The following GRIK4 variants were observed in gnomAD, a reference collection of about 807,000 sequenced individuals.
GRIK4 encodes glutamate ionotropic receptor kainate type subunit 4, also known as glutamate receptor ionotropic, kainate 4.
Under a neutral mutation model 104.9 loss-of-function variants are expected in GRIK4, and 40 were observed. The ratio of observed to expected loss-of-function variants is 0.38; its 90% CI spans 0.30 to 0.50. The LOEUF is 0.50. Among genes scored for constraint, GRIK4 ranks in the 20% least tolerant of loss-of-function variants. GRIK4 has a pLI of 0.93. For missense variants in GRIK4, 1,047 were observed against 1,308.1 expected (o/e 0.80, Z 3.08); for synonymous variants, 485 against 524.9 (o/e 0.92, Z 1.04).
intron 3 of GRIK4, among the ~76,000 whole-genome samples, chr11:120,734,024 C>T (rs1330985127): frequency 7.9e-5 from 12 of 152,194 alleles, no homozygotes; most frequent in Non-Finnish European, 1.5e-5. Context: ...GCGTGAGCCA[C>T]TGCGCCTGGC....
At chr11:120,701,296 A>G (rs1159711209) in intron 3 of GRIK4, among the ~76,000 whole-genome samples, 1 of 151,974 alleles carries the variant, frequency 6.6e-6, no homozygotes, top group Non-Finnish European at 1.5e-5. Flanking sequence ...TACCATGCCC[A>G]CTCATAATAA....
At chr11:120,949,030 C>T (rs1943934980) in intron 14 of GRIK4, among the ~76,000 whole-genome samples, 1 of 152,218 alleles carries the variant, frequency 6.6e-6, no homozygotes, top group African/African-American at 2.4e-5. Context: ...CCTGTCCTGA[C>T]TGCCTGGCTC....
intron 6 of GRIK4, among the ~76,000 whole-genome samples, chr11:120,825,343 T>A (rs750031305): frequency 6.6e-6 from 1 of 152,248 alleles, no homozygotes; most frequent in African/African-American, 2.4e-5. Flanking sequence ...CTACCTCTGT[T>A]GTCTCATGTA....
At chr11:120,887,108 T>C (rs1209074731) in intron 11 of GRIK4, among the ~76,000 whole-genome samples, 3 of 152,244 alleles carry the variant, frequency 2.0e-5, no homozygotes, top group African/African-American at 7.2e-5. Flanking sequence ...AAAGCCTCTT[T>C]CCTTTTTCCT....
intron 1 of GRIK4, among the ~76,000 whole-genome samples, chr11:120,628,729 T>C (rs1185485965): frequency 6.6e-6 from 1 of 152,174 alleles, no homozygotes; most frequent in Admixed American, 6.5e-5. Context: ...CCAGAGGCCA[T>C]GGCTGTGGTT....
At chr11:120,639,142 T>C (rs1435002747) in intron 1 of GRIK4, among the ~76,000 whole-genome samples, 1 of 151,970 alleles carries the variant, frequency 6.6e-6, no homozygotes, top group Non-Finnish European at 1.5e-5. Flanking sequence ...TGCAGTGAGC[T>C]GAGATCACGC....
chr11:120,834,263 G>GGTGTGT (rs141196181), intron 7 of GRIK4, among the ~76,000 whole-genome samples: 28,727 of 145,888 alleles, frequency 0.2, 3,028 homozygotes, highest in Middle Eastern at 0.26. Flanking sequence ...ACACTTTATA[G>GGTGTGT]GTGTGTGTGT....
At chr11:120,599,241 T>A (rs1948848039) in intron 1 of GRIK4, among the ~76,000 whole-genome samples, 1 of 152,234 alleles carries the variant, frequency 6.6e-6, no homozygotes, top group Admixed American at 6.5e-5. Flanking sequence ...TTTGAATTGA[T>A]CCTTGTTCTC....
At chr11:120,893,317 T>C (rs1326550756) in intron 11 of GRIK4, among the ~76,000 whole-genome samples, 2 of 152,212 alleles carry the variant, frequency 1.3e-5, no homozygotes, top group Non-Finnish European at 2.9e-5. Flanking sequence ...TGCAAACACA[T>C]CCCATATCGG....
chr11:120,978,129 A>G (rs1187179750), intron 19 of GRIK4, among the ~76,000 whole-genome samples: 1 of 152,146 alleles, frequency 6.6e-6, no homozygotes, highest in East Asian at 1.9e-4. Flanking sequence ...TTCCACAAAC[A>G]TTTACTGAGC....
chr11:120,679,857 A>G (rs1221354645), intron 3 of GRIK4, among the ~76,000 whole-genome samples: 4 of 152,130 alleles, frequency 2.6e-5, no homozygotes, highest in African/African-American at 4.8e-5. Flanking sequence ...ATCTTTCAAC[A>G]TCGTTCCCAT....
chr11:120,886,462 G>T (rs932070337), intron 11 of GRIK4, among the ~76,000 whole-genome samples: 1 of 152,204 alleles, frequency 6.6e-6, no homozygotes, highest in African/African-American at 2.4e-5. Flanking sequence ...TGAGCGTGCT[G>T]TTGTTTAATG....
chr11:120,964,726 C>T (rs1440922478), intron 18 of GRIK4, among the ~76,000 whole-genome samples: 2 of 152,184 alleles, frequency 1.3e-5, no homozygotes, highest in Admixed American at 6.5e-5. Flanking sequence ...TGCTCTATAT[C>T]TGACATGACA....
intron 3 of GRIK4, among the ~76,000 whole-genome samples, chr11:120,711,058 T>C (rs1374281538): frequency 6.7e-6 from 1 of 148,780 alleles, no homozygotes; most frequent in African/African-American, 2.5e-5. Context: ...GGGTGGGCCA[T>C]GCAGGGTGGG....
chr11:120,575,827 G>A (rs1948476305), intron 1 of GRIK4: 1 of 152,162 alleles, frequency 6.6e-6, no homozygotes, highest in South Asian at 2.1e-4. Flanking sequence ...GCCAGGCGTG[G>A]TAGCATGTGC....
At position 120,952,174 on chromosome 11, in the gene GRIK4, G is replaced by A. The variant is rs371740376; in HGVS notation, c.1591-681G>A. On this transcript the variant is annotated intron_variant, in intron 14 of 20. Transcript: ENST00000527524. This position sits in a 1 kb window ranked among gnomAD's most constrained non-coding sequence, Gnocchi z 5.2. The stretch of plus-strand genomic sequence containing the variant: ...CCAGACTCATCCCTGGCCTTGCAAC[G>A]TGTTTTCCCACGGTGCAGTGGAGTG... 2.4e-4 allele frequency among the ~76,000 whole-genome samples: 36 copies of A among 152,318 alleles called. No individual in the cohort carries two copies. In the South Asian group the frequency reaches 6.4e-3, roughly 27 times the overall value.
chr11:120,867,820 C>T (rs1392720420), intron 9 of GRIK4: 4 of 151,990 alleles, frequency 2.6e-5, no homozygotes, highest in Non-Finnish European at 5.9e-5. Flanking sequence ...GACACACACC[C>T]GCTAGCTTCA....
intron 1 of GRIK4, among the ~76,000 whole-genome samples, chr11:120,521,960 C>T (rs1014019917): frequency 2.6e-5 from 4 of 152,204 alleles, no homozygotes; most frequent in African/African-American, 9.6e-5. Flanking sequence ...ACCTTCCAGG[C>T]ACTGTTCTAG....
chr11:120,936,909 G>T (rs1284824925), intron 13 of GRIK4, among the ~76,000 whole-genome samples: 1 of 151,264 alleles, frequency 6.6e-6, no homozygotes, highest in African/African-American at 2.4e-5. Flanking sequence ...AGTTGTCATT[G>T]TACATGCCCC....
Sources: allele counts gnomAD v4.1 joint callset (sites outside exome capture counted in the v4.1 genomes callset), GRCh38; gene constraint gnomAD v4.1.1; non-coding constraint Gnocchi (gnomAD v3.1); transcripts MANE v1.5; gene names NCBI Gene and HGNC (gene_info 2026-07-23, HGNC 2026-07-21).